Variants in ATXN7 observed in about 807,000 individuals in gnomAD.
The protein encoded by ATXN7 is ataxin-7.
Under a neutral mutation model 70.5 loss-of-function variants are expected in ATXN7, and 12 were observed. That is an observed-to-expected ratio of 0.17 (90% CI 0.11 to 0.28). ATXN7 has a LOEUF of 0.28. ATXN7 is among the 10% of genes least tolerant of loss of function. The probability of loss-of-function intolerance (pLI) is 1.00; values close to 1 mark genes in which losing one functional copy is unlikely to be tolerated. For synonymous variants in ATXN7, 498 were observed against 448.7 expected, an observed-to-expected ratio of 1.11 and a Z score of -1.39; for missense variants, 1,256 against 1,131.7, an observed-to-expected ratio of 1.11 and a Z score of -1.58.
intron 5 of ATXN7, among the ~76,000 whole-genome samples, chr3:63,965,835 C>G (rs1182971540): frequency 6.6e-6 from 1 of 152,142 alleles, no homozygotes; most frequent in African/African-American, 2.4e-5. Context: ...AAATTTTAAT[C>G]TGAGCTTTGT....
intron 1 of ATXN7, among the ~76,000 whole-genome samples, chr3:63,884,903 C>T (rs1420864558): frequency 3.3e-4 from 50 of 151,688 alleles, no homozygotes; most frequent in Non-Finnish European, 8.8e-5. Flanking sequence ...AAGCGATTCA[C>T]CTGCCTCAGC....
intron 5 of ATXN7, among the ~76,000 whole-genome samples, chr3:63,976,075 T>C (rs914583756): frequency 4.6e-5 from 7 of 152,194 alleles, no homozygotes; most frequent in African/African-American, 1.7e-4. Context: ...GCAGACCACA[T>C]TGCAGTTGTG....
At chr3:63,931,603 T>C (rs191558355) in intron 4 of ATXN7, among the ~76,000 whole-genome samples, 1 of 152,300 alleles carries the variant, frequency 6.6e-6, no homozygotes, top group African/African-American at 2.4e-5. Flanking sequence ...TTTTGTCTTC[T>C]CTTCAGAGAA....
chr3:63,932,720 G>A (rs1046639288), intron 4 of ATXN7, among the ~76,000 whole-genome samples: 4 of 151,978 alleles, frequency 2.6e-5, no homozygotes, highest in Admixed American at 1.3e-4. Flanking sequence ...CTCCTTTCCC[G>A]TGACCCCTTT....
chr3:63,863,485 G>T, upstream of ATXN7: 7 of 1,171,104 alleles, frequency 6.0e-6, no homozygotes, highest in Non-Finnish European at 7.4e-6. Flanking sequence ...CCAGCCCACC[G>T]ACCACGCTCC....
At chr3:63,892,469 ACACACACACACACACACACACACACC>A (rs1245444822) in intron 1 of ATXN7, among the ~76,000 whole-genome samples, 8 of 118,876 alleles carry the variant, frequency 6.7e-5, no homozygotes, top group African/African-American at 1.5e-4. Flanking sequence ...TCGCTCCTTC[ACACACACACACACACACACACACACC>A]CACACACACA....
At chr3:63,888,754 G>A (rs1006206846) in intron 1 of ATXN7, among the ~76,000 whole-genome samples, 7 of 152,024 alleles carry the variant, frequency 4.6e-5, no homozygotes, top group African/African-American at 7.2e-5. Flanking sequence ...CCAGCCTGGC[G>A]ACAGAGCGAG....
At chr3:63,998,527 C>T (rs1356159503) in intron 12 of ATXN7, 1 of 985,174 alleles carries the variant, frequency 1.0e-6, no homozygotes, top group Admixed American at 6.2e-5. Context: ...ACACAGACAG[C>T]CTAACTTTGG....
chr3:63,956,602 T>G (rs571613069), intron 5 of ATXN7, among the ~76,000 whole-genome samples: 6 of 152,136 alleles, frequency 3.9e-5, no homozygotes, highest in Middle Eastern at 6.8e-3. Flanking sequence ...TTTCCAGAGA[T>G]AGAACCCAGG....
intron 4 of ATXN7, among the ~76,000 whole-genome samples, chr3:63,915,460 T>C (rs756126963): frequency 6.6e-6 from 1 of 152,234 alleles, no homozygotes; most frequent in East Asian, 1.9e-4. Context: ...GACCTTTATG[T>C]TCTCCTAACA....
In ATXN7 at chr3:63,918,835, C is replaced by G. The variant is rs56021751; in HGVS notation, c.394+5610C>G. On this transcript the variant is annotated intron_variant, in intron 4 of 12. Transcript: ENST00000674280. ...CAAGTTCCCTGCCTCAGCATCACCTCGTGCTTGTTGAACATTAATGCACAT... is the reference window on the plus strand; with the variant it reads ...CAAGTTCCCTGCCTCAGCATCACCTGGTGCTTGTTGAACATTAATGCACAT... 5.9e-5 allele frequency among the ~76,000 whole-genome samples: 9 copies of G among 152,284 alleles called. No individual in the cohort carries two copies. The South Asian group carries it at 1.7e-3, about 28-fold the overall frequency.
At chr3:63,926,989 G>A (rs1388946170) in intron 4 of ATXN7, among the ~76,000 whole-genome samples, 8 of 152,118 alleles carry the variant, frequency 5.3e-5, no homozygotes, top group African/African-American at 1.7e-4. Context: ...TGCAAAGGAC[G>A]TGAACTCATT....
At chr3:63,912,531 C>T in intron 2 of ATXN7, 57 bp from the exon 3 acceptor site, 1 of 1,063,640 alleles carries the variant, frequency 9.4e-7, no homozygotes, top group Non-Finnish European at 1.2e-6. Context: ...TCCCTGGCGC[C>T]TCCTTAAAAA....
At chr3:63,912,146 A>AGCCGG (rs1163710696) in intron 2 of ATXN7, 1 of 152,136 alleles carries the variant, frequency 6.6e-6, no homozygotes, top group African/African-American at 2.4e-5. Context: ...GGAGCGGGGC[A>AGCCGG]GCCGGGCCGG....
rs1273191995 is a variant in ATXN7 at position 63,912,609 on chromosome 3, G to T, written c.11G>T (p.Arg4Leu). 2 of 1,097,970 alleles carry T rather than the reference G, an allele frequency of 1.8e-6. No individual in the cohort carries two copies. Among genetic ancestry groups the T allele is most frequent in the African/African-American group, 1.7e-5 (1 of 58,142 alleles). The allele number at this position is 1,097,970 out of a possible 1,614,324, so 68.0% of individuals were successfully genotyped here. A position where few individuals can be genotyped will look rare whatever the true frequency, so the allele number is the denominator to read the frequency against. Residue 4 changes from arginine (R) to leucine (L), a missense_variant, in exon 3 of 13, where the codon CGG (arginine) becomes CTG (leucine). Arg to Leu is a moderately radical substitution (Grantham distance 102). Transcript: ENST00000674280. MSERAADDVRGEPR... is the reference protein window; with the variant it reads MSELAADDVRGEPR... ...GTAGGAGCGGAAAGAATGTCGGAGC[G>T]GGCCGCGGATGACGTCAGGGGGGAG...
rs2075837504 is a variant in ATXN7 at position 64,001,951 on chromosome 3, TA to T, written c.*2485del. Reference sequence around the variant, plus strand: ...ATCAATTTAAAACCAAGATAATTTTTATATTCTTTCCAATAGAATTTCATGA... The same window carrying T: ...ATCAATTTAAAACCAAGATAATTTTTTATTCTTTCCAATAGAATTTCATGA... On this transcript the variant is annotated 3_prime_UTR_variant, in exon 13 of 13. Transcript: ENST00000674280. The T allele has an allele frequency of 6.6e-6, 1 of 152,220 alleles. No homozygotes were observed. The highest frequency in any genetic ancestry group is 1.5e-5 in the Non-Finnish European group (1 of 68,002). The allele number at this position is 152,220 out of a possible 1,614,324, so 9.4% of individuals were successfully genotyped here.
At chr3:63,937,428 C>T (rs932911411) in intron 4 of ATXN7, among the ~76,000 whole-genome samples, 11 of 152,082 alleles carry the variant, frequency 7.2e-5, no homozygotes, top group Non-Finnish European at 1.3e-4. Flanking sequence ...GGAACTCAAC[C>T]CCTACTCAAA....
intron 4 of ATXN7, among the ~76,000 whole-genome samples, chr3:63,919,569 C>G (rs990852643): frequency 2.6e-5 from 4 of 151,960 alleles, no homozygotes; most frequent in Non-Finnish European, 4.4e-5. Context: ...AAGAAGGTTG[C>G]TGTCTTTGTC....
chr3:63,955,234 C>T (rs1352929188), intron 5 of ATXN7, among the ~76,000 whole-genome samples: 1 of 152,140 alleles, frequency 6.6e-6, no homozygotes, highest in Non-Finnish European at 1.5e-5. Flanking sequence ...GCTGAGGTCC[C>T]TCTAGTGACA....
Sources: allele counts gnomAD v4.1 joint callset (sites outside exome capture counted in the v4.1 genomes callset), GRCh38; gene constraint gnomAD v4.1.1; transcripts MANE v1.5; gene names NCBI Gene and HGNC (gene_info 2026-07-23, HGNC 2026-07-21).